FAM114A2: variants seen among roughly 807,000 people sequenced by gnomAD.
FAM114A2 encodes protein FAM114A2.
FAM114A2 carries 53 observed loss-of-function variants against 58.4 expected under a neutral mutation model. The ratio of observed to expected loss-of-function variants is 0.91; its 90% CI spans 0.73 to 1.14. The LOEUF is 1.14. FAM114A2 is among the 50% of genes most tolerant of loss of function. The probability of loss-of-function intolerance (pLI) is 0.00; values close to 1 mark genes in which losing one functional copy is unlikely to be tolerated. For missense variants in FAM114A2, 601 were observed against 581.1 expected, an observed-to-expected ratio of 1.03 and a Z score of -0.35; for synonymous variants, 228 against 211.4, an observed-to-expected ratio of 1.08 and a Z score of -0.68.
intron 1 of FAM114A2, chr5:154,036,467 C>T (rs1772563193): frequency 6.6e-6 from 1 of 152,208 alleles, no homozygotes; most frequent in South Asian, 2.1e-4. Context: ...TATGTACACA[C>T]ACGCTGTAGG....
At position 153,991,315 on chromosome 5, in the gene FAM114A2, G is replaced by A. The variant is rs773234376; in HGVS notation, c.*1661C>T. ...GCTGCCAAACTGCCATTGTACAAGA[G>A]GCTGAACAGACAGTAGGCAGAGTGA... On this transcript the variant is annotated 3_prime_UTR_variant, in exon 14 of 14. Coordinates refer to ENST00000351797, the MANE Select transcript of FAM114A2 (RefSeq NM_018691.4). 6 of 152,182 alleles carry A rather than the reference G, an allele frequency of 3.9e-5. No individual in the cohort carries two copies. The highest frequency in any genetic ancestry group is 5.9e-5 in the Non-Finnish European group (4 of 68,036). The allele number at this position is 152,182 out of a possible 1,614,324, so 9.4% of individuals were successfully genotyped here.
chr5:154,026,234 G>A (rs1561569560), intron 8 of FAM114A2, 165 bp downstream of exon 8: 2 of 436,476 alleles, frequency 4.6e-6, no homozygotes, highest in South Asian at 5.3e-5. Flanking sequence ...GCCTAGTCAG[G>A]TGCAAGGCTG....
chr5:153,993,153 T>C (rs1769341697), intron 13 of FAM114A2, 43 bp from the exon 14 acceptor site: 2 of 1,552,960 alleles, frequency 1.3e-6, no homozygotes, highest in African/African-American at 1.4e-5. Flanking sequence ...TATTAGTTAT[T>C]TAAAAGAGAA....
At chr5:154,008,428 ATCCAAAATTC>A in intron 9 of FAM114A2, among the ~76,000 whole-genome samples, 1 of 152,284 alleles carries the variant, frequency 6.6e-6, no homozygotes, top group East Asian at 1.9e-4. Context: ...TTATATGAAA[ATCCAAAATTC>A]TCCAAAATTT....
intron 8 of FAM114A2, among the ~76,000 whole-genome samples, chr5:154,025,793 C>T (rs531175609): frequency 1.3e-5 from 2 of 152,190 alleles, no homozygotes; most frequent in Admixed American, 6.6e-5. Context: ...ATTCAGTTGC[C>T]TGGCAATTAT....
In FAM114A2 at chr5:153,998,027, T is replaced by G; in HGVS notation, c.1257-152A>C. On this transcript the variant is annotated intron_variant, in intron 11 of 13. Transcript: ENST00000351797. Reference sequence around the variant, plus strand: ...GAGTAAATACAGTATCCCCCCCTTATCTGTGGTTTCACTTTTTGCAGTTTC... The same window carrying G: ...GAGTAAATACAGTATCCCCCCCTTAGCTGTGGTTTCACTTTTTGCAGTTTC... 3 of 492,414 alleles carry G rather than the reference T, an allele frequency of 6.1e-6. No individual in the cohort carries two copies. In the East Asian group the frequency reaches 9.8e-5, roughly 16 times the overall value. 30.5% of individuals were successfully genotyped at this position (492,414 alleles called of 1,614,324 possible).
chr5:154,018,349 G>A (rs145382478), intron 8 of FAM114A2, among the ~76,000 whole-genome samples: 1 of 152,020 alleles, frequency 6.6e-6, no homozygotes, highest in African/African-American at 2.4e-5. Flanking sequence ...AACCCTCCTA[G>A]CTTAAATCAG....
chr5:154,028,394 C>T (rs1269914107), intron 5 of FAM114A2, 111 bp from the exon 6 acceptor site: 1 of 704,638 alleles, frequency 1.4e-6, no homozygotes, highest in African/African-American at 1.8e-5. Context: ...CAAGCACTGG[C>T]AAGAATGTAA....
At chr5:154,034,433 G>A in intron 2 of FAM114A2, 56 bp from the exon 3 acceptor site, 1 of 1,069,736 alleles carries the variant, frequency 9.3e-7, no homozygotes, top group Non-Finnish European at 1.4e-6. Context: ...AAAATTAGAG[G>A]AAAATCAGAA....
chr5:154,023,274 T>G (rs1771550786), intron 8 of FAM114A2, among the ~76,000 whole-genome samples: 1 of 152,118 alleles, frequency 6.6e-6, no homozygotes, highest in Non-Finnish European at 1.5e-5. Context: ...ACCCTAAAAC[T>G]TAAAGTATAC....
chr5:154,032,859 C>T (rs1413925895), intron 4 of FAM114A2, among the ~76,000 whole-genome samples: 1 of 152,216 alleles, frequency 6.6e-6, no homozygotes, highest in Non-Finnish European at 1.5e-5. Flanking sequence ...GAACAGCCTA[C>T]TTCTAGAGTC....
chr5:154,002,976 A>T lies in FAM114A2; in HGVS notation c.994-7T>A, dbSNP rs373230602. ...CGTGGGCGGTATTTCTTGCCTAAAT[A>T]AGAAAAATATTGGCCATCAACAATT... On this transcript the variant is annotated splice_region_variant and splice_polypyrimidine_tract_variant and intron_variant, in intron 9 of 13. Coordinates refer to ENST00000351797, the MANE Select transcript of FAM114A2 (RefSeq NM_018691.4). 6.8e-6 allele frequency: 11 copies of T among 1,613,322 alleles called. No homozygotes were observed. The highest frequency in any genetic ancestry group is 6.8e-6 in the Non-Finnish European group (8 of 1,179,640).
At chr5:154,017,774 C>G (rs919263849) in intron 8 of FAM114A2, among the ~76,000 whole-genome samples, 2 of 152,058 alleles carry the variant, frequency 1.3e-5, no homozygotes, top group East Asian at 1.9e-4. Flanking sequence ...AACTAGAAAT[C>G]AACTCTTCAA....
chr5:153,998,038 A>G (rs4594908), intron 11 of FAM114A2, among the ~76,000 whole-genome samples, 163 bp from the exon 12 acceptor site: 99,081 of 152,094 alleles, frequency 0.65, 32,634 homozygotes, highest in East Asian at 0.86. Flanking sequence ...CTGTGGTTTC[A>G]CTTTTTGCAG....
intron 8 of FAM114A2, among the ~76,000 whole-genome samples, chr5:154,015,196 A>T (rs114107365): frequency 0.011 from 1,646 of 152,178 alleles, 37 homozygotes; most frequent in African/African-American, 0.037. Context: ...TCCCACCCTG[A>T]TAACTGAAGA....
At chr5:154,035,998 T>C (rs1246668858) in intron 1 of FAM114A2, among the ~76,000 whole-genome samples, 2 of 152,218 alleles carry the variant, frequency 1.3e-5, no homozygotes, top group African/African-American at 4.8e-5. Flanking sequence ...GTCAGTGAAA[T>C]ATCTTTGTAT....
chr5:154,035,137 T>C (rs1462942688), intron 1 of FAM114A2, among the ~76,000 whole-genome samples, 170 bp from the exon 2 acceptor site: 1 of 152,166 alleles, frequency 6.6e-6, no homozygotes, highest in Non-Finnish European at 1.5e-5. Context: ...CTTACACAAA[T>C]ATAATATCAC....
intron 9 of FAM114A2, among the ~76,000 whole-genome samples, chr5:154,008,686 GTGTGTT>G (rs1290396588): frequency 9.2e-5 from 14 of 152,150 alleles, no homozygotes; most frequent in African/African-American, 3.1e-4. Context: ...GTGTGTGTGT[GTGTGTT>G]TATTTGTGTG....
Position 153,999,591 on chromosome 5 carries a change from C to T in FAM114A2, c.1257-1716G>A, listed in dbSNP as rs573870883. Among the ~76,000 whole-genome samples, 23 of 151,188 alleles carry T rather than the reference C, an allele frequency of 1.5e-4. 1 individual carries two copies. In the East Asian group the frequency reaches 4.3e-3, roughly 28 times the overall value. On this transcript the variant is annotated intron_variant, in intron 11 of 13. Transcript: ENST00000351797. ...AGAGGTTGCAGTGAACGAGATTGCGCCACTGCACTCCAGCCTGAGTGACAC... is the reference window on the plus strand; with the variant it reads ...AGAGGTTGCAGTGAACGAGATTGCGTCACTGCACTCCAGCCTGAGTGACAC...
Sources: allele counts gnomAD v4.1 joint callset (sites outside exome capture counted in the v4.1 genomes callset), GRCh38; gene constraint gnomAD v4.1.1; transcripts MANE v1.5; gene names NCBI Gene and HGNC (gene_info 2026-07-23, HGNC 2026-07-21).